NR2F1-AS1: variants seen among roughly 807,000 people sequenced by gnomAD.
NR2F1-AS1 encodes the protein NR2F1 antisense RNA 1.
At chr5:93,454,318 G>C (rs1749900625) in intron 4 of NR2F1-AS1, among the ~76,000 whole-genome samples, 1 of 152,072 alleles carries the variant, frequency 6.6e-6, no homozygotes, top group Admixed American at 6.6e-5. Flanking sequence ...AAAAGAAAAA[G>C]ATAAAGGAGA....
At chr5:93,582,549 A>T (rs1753127065), upstream of NR2F1-AS1, among the ~76,000 whole-genome samples, 1 of 152,370 alleles carries the variant, frequency 6.6e-6, no homozygotes, top group African/African-American at 2.4e-5. Flanking sequence ...AGAAGAAAAC[A>T]ATCCAAATCC....
chr5:93,509,337 A>T (rs1266280592), intron 4 of NR2F1-AS1, among the ~76,000 whole-genome samples: 1 of 152,126 alleles, frequency 6.6e-6, no homozygotes, highest in African/African-American at 2.4e-5. Flanking sequence ...CTAATACAGC[A>T]GCCTCTAGCG....
At position 93,411,821 on chromosome 5, in the gene NR2F1-AS1, C is replaced by A. The variant is rs1748863576; in HGVS notation, n.639-16279G>T. On this transcript the variant is annotated intron_variant and non_coding_transcript_variant, in intron 4 of 5. Transcript: ENST00000660523. ...CATTTTCATTCCTTGTCTTTATAAG[C>A]AGGAAAAGCCCCACTCGAGGTCCCA... Among the ~76,000 whole-genome samples the A allele has an allele frequency of 3.3e-5, 5 of 152,164 alleles. 2 individuals are homozygous for A. In the South Asian group the frequency reaches 1.0e-3, roughly 32 times the overall value.
chr5:93,467,848 T>G (rs1165041844), intron 4 of NR2F1-AS1, among the ~76,000 whole-genome samples: 1 of 152,004 alleles, frequency 6.6e-6, no homozygotes, highest in East Asian at 1.9e-4. Context: ...TGGTGTTTCC[T>G]GCCCTGTGTC....
chr5:93,421,612 C>G (rs891844616), intron 4 of NR2F1-AS1, among the ~76,000 whole-genome samples: 5 of 152,176 alleles, frequency 3.3e-5, no homozygotes, highest in Non-Finnish European at 2.9e-5. Context: ...AGTGTGGAGG[C>G]TGGCACCAGG....
chr5:93,464,291 C>T (rs964518025), intron 4 of NR2F1-AS1, among the ~76,000 whole-genome samples: 1 of 152,130 alleles, frequency 6.6e-6, no homozygotes, highest in African/African-American at 2.4e-5. Flanking sequence ...GTGCCTTTTA[C>T]CTTCAGCCAT....
At chr5:93,536,756 T>C (rs1245810783) in intron 4 of NR2F1-AS1, among the ~76,000 whole-genome samples, 4 of 152,176 alleles carry the variant, frequency 2.6e-5, no homozygotes, top group Non-Finnish European at 4.4e-5. Flanking sequence ...AGAATAGATA[T>C]CTACCTCTCA....
intron 4 of NR2F1-AS1, among the ~76,000 whole-genome samples, chr5:93,502,131 T>C (rs758242065): frequency 6.6e-6 from 1 of 152,176 alleles, no homozygotes; most frequent in African/African-American, 2.4e-5. Context: ...TGCACATATA[T>C]AAATAGACTG....
chr5:93,566,715 TTCTCAG>T (rs1398471163), intron 1 of NR2F1-AS1, among the ~76,000 whole-genome samples: 1 of 152,028 alleles, frequency 6.6e-6, no homozygotes, highest in Non-Finnish European at 1.5e-5. Context: ...ACAGTCTATA[TTCTCAG>T]TCTAAGTAAT....
intron 4 of NR2F1-AS1, among the ~76,000 whole-genome samples, chr5:93,448,400 G>C (rs187779851): frequency 6.6e-6 from 1 of 152,244 alleles, no homozygotes; most frequent in East Asian, 1.9e-4. Flanking sequence ...TAAGCTTTAG[G>C]ATACTCAAAA....
At chr5:93,471,592 T>G (rs1429737493) in intron 4 of NR2F1-AS1, among the ~76,000 whole-genome samples, 6 of 151,848 alleles carry the variant, frequency 4.0e-5, no homozygotes, top group African/African-American at 7.2e-5. Context: ...AGGTGATAAC[T>G]TACATTTTTC....
chr5:93,466,114 A>G (rs1750225290), intron 4 of NR2F1-AS1, among the ~76,000 whole-genome samples: 1 of 152,136 alleles, frequency 6.6e-6, no homozygotes, highest in Non-Finnish European at 1.5e-5. Context: ...GGAAGCTAGG[A>G]GGGATGGAAG....
At chr5:93,574,256 G>A (rs898407017) in intron 1 of NR2F1-AS1, among the ~76,000 whole-genome samples, 1 of 152,210 alleles carries the variant, frequency 6.6e-6, no homozygotes, top group African/African-American at 2.4e-5. Context: ...CGGGGGAGGA[G>A]GCACCCGACT....
At chr5:93,506,797 G>T (rs933288947) in intron 4 of NR2F1-AS1, among the ~76,000 whole-genome samples, 7 of 152,152 alleles carry the variant, frequency 4.6e-5, no homozygotes, top group Non-Finnish European at 1.0e-4. Flanking sequence ...TGAGATTTGG[G>T]TGGGGACACA....
chr5:93,495,397 A>G (rs1231484036), intron 4 of NR2F1-AS1, among the ~76,000 whole-genome samples: 1 of 152,198 alleles, frequency 6.6e-6, no homozygotes. Flanking sequence ...ATTAAATTAC[A>G]ATTCTTTTAC....
In NR2F1-AS1 at chr5:93,579,781, TG is replaced by T. The variant is rs1752977639; in HGVS notation, n.313+685del. On this transcript the variant is annotated intron_variant and non_coding_transcript_variant, in intron 1 of 5. Coordinates refer to ENST00000660523, the Ensembl canonical transcript of NR2F1-AS1. The surrounding 1 kb of genome is among the most constrained non-coding windows in gnomAD (Gnocchi z 5.1). ...GACCCCCTCCCCGCCCCCAGCCGGC[TG>T]GCAGCGGCGCAGGGAGTCTGGCTCG... Among the ~76,000 whole-genome samples, 1 of 152,184 alleles carries T rather than the reference TG, an allele frequency of 6.6e-6. No individual in the cohort carries two copies. The highest frequency in any genetic ancestry group is 6.5e-5 in the Admixed American group (1 of 15,288).
intron 4 of NR2F1-AS1, among the ~76,000 whole-genome samples, chr5:93,502,150 T>G (rs1277545750): frequency 6.6e-6 from 1 of 152,204 alleles, no homozygotes; most frequent in Non-Finnish European, 1.5e-5. Flanking sequence ...TGCAGTATAG[T>G]GTAAACATAA....
chr5:93,491,828 C>T (rs1750855701), intron 4 of NR2F1-AS1, among the ~76,000 whole-genome samples: 2 of 152,180 alleles, frequency 1.3e-5, no homozygotes, highest in South Asian at 4.1e-4. Flanking sequence ...TGGAGTTACA[C>T]CATCAGCTCC....
intron 4 of NR2F1-AS1, among the ~76,000 whole-genome samples, chr5:93,522,785 C>A (rs1295760876): frequency 6.6e-6 from 1 of 151,804 alleles, no homozygotes; most frequent in Admixed American, 6.6e-5. Context: ...CCATGAGAGA[C>A]TGACATGAGG....
Sources: allele counts gnomAD v4.1 joint callset (sites outside exome capture counted in the v4.1 genomes callset), GRCh38; gene constraint gnomAD v4.1.1; non-coding constraint Gnocchi (gnomAD v3.1); transcripts MANE v1.5; gene names NCBI Gene and HGNC (gene_info 2026-07-23, HGNC 2026-07-21).